Variants in KCNQ5 observed in about 807,000 individuals in gnomAD.
The protein encoded by KCNQ5 is potassium voltage-gated channel subfamily Q member 5.
KCNQ5 carries 30 observed loss-of-function variants against 98.2 expected under a neutral mutation model. The ratio of observed to expected loss-of-function variants is 0.31; its 90% confidence interval spans 0.23 to 0.41. KCNQ5 has a LOEUF of 0.41. Ranked by LOEUF, KCNQ5 falls within the 10% of genes least tolerant of loss-of-function variation. KCNQ5 has a pLI of 1.00. For synonymous variants in KCNQ5, 458 were observed against 449.4 expected (o/e 1.02, Z -0.24); for missense variants, 835 against 1,182.5 (o/e 0.71, Z 4.31).
At chr6:72,728,557 G>A (rs1021329808) in intron 1 of KCNQ5, among the ~76,000 whole-genome samples, 2 of 152,300 alleles carry the variant, frequency 1.3e-5, no homozygotes, top group Admixed American at 1.3e-4. Context: ...GAGGCACACA[G>A]CAGTCATTGA....
Position 73,194,878 on chromosome 6 carries a change from C to T in KCNQ5, c.2263C>T (p.Pro755Ser), listed in dbSNP as rs1439742478. The T allele has an allele frequency of 1.2e-6, 2 of 1,614,180 alleles. No individual in the cohort carries two copies. The highest frequency in any genetic ancestry group is 1.7e-6 in the Non-Finnish European group (2 of 1,180,032). Residue 755 changes from proline (P) to serine (S), a missense_variant, in exon 14 of 14, where the codon CCA (proline) becomes TCA (serine). This residue lies in a region of KCNQ5 where 416 missense variants were observed against 446.9 expected (regional missense o/e 0.93). Coordinates refer to ENST00000370398, the MANE Select transcript of KCNQ5 (RefSeq NM_019842.4). Reference sequence around the variant, plus strand: ...AACTTTACAGATCCCACCTCCTCTCCCAGCCATCAAGCATCTGCCCAGGCC... The same window carrying T: ...AACTTTACAGATCCCACCTCCTCTCTCAGCCATCAAGCATCTGCCCAGGCC... Reference protein sequence around the residue: ...PTTLQIPPPLPAIKHLPRPET... With the variant: ...PTTLQIPPPLSAIKHLPRPET...
chr6:73,023,623 T>C (rs2150341287), intron 2 of KCNQ5, among the ~76,000 whole-genome samples: 1 of 152,322 alleles, frequency 6.6e-6, no homozygotes, highest in African/African-American at 2.4e-5. Flanking sequence ...AATTTAGACT[T>C]GAGGCATTTC....
intron 5 of KCNQ5, among the ~76,000 whole-genome samples, chr6:73,086,361 A>G (rs1773987993): frequency 6.6e-6 from 1 of 151,896 alleles, no homozygotes; most frequent in Non-Finnish European, 1.5e-5. Flanking sequence ...TCATACCCCC[A>G]CTGTGGAAGC....
At chr6:72,859,298 C>T (rs1321955586) in intron 1 of KCNQ5, among the ~76,000 whole-genome samples, 1 of 152,076 alleles carries the variant, frequency 6.6e-6, no homozygotes, top group Non-Finnish European at 1.5e-5. Flanking sequence ...CAGTCAATGG[C>T]ATTGAACACA....
intron 1 of KCNQ5, among the ~76,000 whole-genome samples, chr6:72,874,532 A>T (rs1266711860): frequency 3.3e-5 from 5 of 152,106 alleles, no homozygotes; most frequent in Non-Finnish European, 7.4e-5. Flanking sequence ...AAACAGAAAA[A>T]CCTATTATTC....
chr6:72,787,455 G>A (rs1232827570), intron 1 of KCNQ5, among the ~76,000 whole-genome samples: 1 of 151,960 alleles, frequency 6.6e-6, no homozygotes, highest in Non-Finnish European at 1.5e-5. Flanking sequence ...CACTTGAGGA[G>A]CTTTAGAGAT....
At chr6:72,866,087 A>G (rs1419116478) in intron 1 of KCNQ5, among the ~76,000 whole-genome samples, 6 of 152,178 alleles carry the variant, frequency 3.9e-5, no homozygotes, top group Non-Finnish European at 8.8e-5. Context: ...CTAAGACTTA[A>G]GTAAAAGTAA....
intron 1 of KCNQ5, among the ~76,000 whole-genome samples, chr6:73,002,952 T>A (rs1769651859): frequency 6.6e-6 from 1 of 152,126 alleles, no homozygotes; most frequent in Non-Finnish European, 1.5e-5. Flanking sequence ...GGGACTAACT[T>A]CACCATCATC....
chr6:72,995,905 A>G (rs1175594475), intron 1 of KCNQ5, among the ~76,000 whole-genome samples: 1 of 152,254 alleles, frequency 6.6e-6, no homozygotes, highest in Non-Finnish European at 1.5e-5. Context: ...TCAAAGAAAG[A>G]GTAGTAATAG....
intron 1 of KCNQ5, among the ~76,000 whole-genome samples, chr6:72,727,570 T>C (rs1471698532): frequency 6.6e-6 from 1 of 152,210 alleles, no homozygotes; most frequent in Non-Finnish European, 1.5e-5. Flanking sequence ...TTTACAATGA[T>C]TGCCTCTAAA....
intron 1 of KCNQ5, among the ~76,000 whole-genome samples, chr6:72,857,140 A>C (rs1437694518): frequency 6.6e-6 from 1 of 152,240 alleles, no homozygotes; most frequent in Non-Finnish European, 1.5e-5. Context: ...CCCAACAGAA[A>C]GATATATGAC....
chr6:73,194,336 T>G (rs1236489245), intron 13 of KCNQ5, 116 bp from the exon 14 acceptor site: 6 of 876,318 alleles, frequency 6.8e-6, no homozygotes, highest in Non-Finnish European at 8.6e-6. Flanking sequence ...GTACTTTATA[T>G]TCAATATTTC....
intron 1 of KCNQ5, among the ~76,000 whole-genome samples, chr6:72,966,950 T>G (rs541718632): frequency 2.0e-5 from 3 of 152,230 alleles, no homozygotes; most frequent in Non-Finnish European, 4.4e-5. Flanking sequence ...GAATGTGGAC[T>G]GAGTTTTTAA....
intron 7 of KCNQ5, among the ~76,000 whole-genome samples, chr6:73,111,746 G>A (rs1281039381): frequency 6.6e-6 from 1 of 152,174 alleles, no homozygotes; most frequent in Non-Finnish European, 1.5e-5. Context: ...ATTAAGTGAT[G>A]GAGCAGAACA....
intron 1 of KCNQ5, among the ~76,000 whole-genome samples, chr6:72,664,118 T>A (rs1471167641): frequency 6.6e-6 from 1 of 152,166 alleles, no homozygotes; most frequent in Non-Finnish European, 1.5e-5. Context: ...AAAGTGCTAG[T>A]GGACATGGAA....
At chr6:73,031,171 G>A (rs1028906860) in intron 2 of KCNQ5, among the ~76,000 whole-genome samples, 3 of 152,118 alleles carry the variant, frequency 2.0e-5, no homozygotes, top group African/African-American at 7.2e-5. Context: ...ATCCTTTCAG[G>A]CTAGTAAAAT....
chr6:72,698,373 T>G (rs912881526), intron 1 of KCNQ5, among the ~76,000 whole-genome samples: 1 of 151,958 alleles, frequency 6.6e-6, no homozygotes, highest in African/African-American at 2.4e-5. Flanking sequence ...CTGGCTAATT[T>G]TGTGTTTTGA....
intron 2 of KCNQ5, among the ~76,000 whole-genome samples, chr6:73,028,936 G>A (rs770812923): frequency 7.9e-5 from 12 of 152,122 alleles, no homozygotes; most frequent in Non-Finnish European, 1.5e-4. Flanking sequence ...TCAAGTTACT[G>A]TGGCAGATCA....
intron 10 of KCNQ5, among the ~76,000 whole-genome samples, chr6:73,141,698 T>C (rs1331711528): frequency 2.0e-5 from 3 of 152,214 alleles, no homozygotes; most frequent in Non-Finnish European, 4.4e-5. Context: ...TAACCATACC[T>C]TTTGGCTTCT....
Sources: gnomAD v4.1 joint callset for allele counts (sites outside exome capture counted in the v4.1 genomes callset) on GRCh38, gnomAD v4.1.1 for gene constraint, gnomAD v4.1.1 regional missense constraint, MANE v1.5 for transcripts, NCBI Gene and HGNC (gene_info 2026-07-23, HGNC 2026-07-21) for gene names.